The following ARHGAP18 variants were observed in gnomAD, a reference collection of about 807,000 sequenced individuals.
ARHGAP18 encodes Rho GTPase activating protein 18.
Under a neutral mutation model 86.2 loss-of-function variants are expected in ARHGAP18, and 67 were observed. That is an observed-to-expected ratio of 0.78 (90% CI 0.64 to 0.95). The LOEUF (loss-of-function observed/expected upper bound fraction) is 0.95, where lower values mean the gene tolerates loss of function less well. Ranked by LOEUF, ARHGAP18 falls within the 40% of genes least tolerant of loss-of-function variation. ARHGAP18 has a pLI of 0.00. For synonymous variants in ARHGAP18, 283 were observed against 280.4 expected (o/e 1.01, Z -0.09); for missense variants, 691 against 780.4 (o/e 0.89, Z 1.37).
rs144719019 is a variant in ARHGAP18 at position 129,663,627 on chromosome 6, T to C, written c.114-21609A>G. ...ACCAAGTATCCTCCATTAGGACAGA[T>C]TGTATCGTGACAGAGGAAACACATT... On this transcript the variant is annotated intron_variant, in intron 1 of 14. Transcript: ENST00000368149. 3.1e-3 allele frequency among the ~76,000 whole-genome samples: 478 copies of C among 152,310 alleles called. 2 individuals carry two copies. Among genetic ancestry groups the C allele is most frequent in the African/African-American group, 0.011 (446 of 41,566 alleles).
intron 1 of ARHGAP18, among the ~76,000 whole-genome samples, chr6:129,683,055 CT>C (rs199633610): frequency 0.49 from 67,437 of 138,994 alleles, 15,662 homozygotes; most frequent in South Asian, 0.58. Flanking sequence ...TTTGTTTTTT[CT>C]TTTTTTTTTT....
chr6:129,684,279 G>A (rs914300863), intron 1 of ARHGAP18, among the ~76,000 whole-genome samples: 2 of 152,234 alleles, frequency 1.3e-5, no homozygotes, highest in African/African-American at 2.4e-5. Context: ...AAAACGTTCT[G>A]TATTCAGTAC....
Position 129,698,656 on chromosome 6 carries a change from C to T in ARHGAP18, c.113+11368G>A, listed in dbSNP as rs558311522. Among the ~76,000 whole-genome samples, 7 of 151,228 alleles carry T rather than the reference C, an allele frequency of 4.6e-5. No individual in the cohort carries two copies. In the East Asian group the frequency reaches 1.4e-3, roughly 29 times the overall value. Reference sequence around the variant, plus strand: ...TTCAGGGTTCAAGCCATTCTCCTGCCTCAGCCTCCCGAGTAGCGTGTACCA... The same window carrying T: ...TTCAGGGTTCAAGCCATTCTCCTGCTTCAGCCTCCCGAGTAGCGTGTACCA... On this transcript the variant is annotated intron_variant, in intron 1 of 14. Transcript: ENST00000368149.
At chr6:129,592,310 A>C (rs886358475) in intron 12 of ARHGAP18, among the ~76,000 whole-genome samples, 2 of 152,216 alleles carry the variant, frequency 1.3e-5, no homozygotes, top group African/African-American at 4.8e-5. Context: ...TCAGAGATGC[A>C]ATTCTAAACA....
At chr6:129,592,182 T>C (rs1164523190) in intron 12 of ARHGAP18, among the ~76,000 whole-genome samples, 1 of 152,246 alleles carries the variant, frequency 6.6e-6, no homozygotes, top group Non-Finnish European at 1.5e-5. Context: ...TGCTTGATAT[T>C]GTAATCTGAT....
intron 7 of ARHGAP18, among the ~76,000 whole-genome samples, chr6:129,612,057 C>A (rs1788991308): frequency 6.6e-6 from 1 of 152,176 alleles, no homozygotes; most frequent in Admixed American, 6.5e-5. Context: ...AGACTGTTTG[C>A]AAATATTCAT....
intron 1 of ARHGAP18, among the ~76,000 whole-genome samples, chr6:129,655,596 T>C (rs1032840522): frequency 1.3e-5 from 2 of 152,140 alleles, no homozygotes; most frequent in East Asian, 3.9e-4. Context: ...AACTTTTTCT[T>C]GTTCTTTTTT....
chr6:129,613,004 C>T lies in ARHGAP18; in HGVS notation c.1045-1394G>A, dbSNP rs6900535. Among the ~76,000 whole-genome samples the T allele has an allele frequency of 5.0e-3, 765 of 152,082 alleles. 7 individuals are homozygous for T. The highest frequency in any genetic ancestry group is 0.017 in the African/African-American group (725 of 41,488). On this transcript the variant is annotated intron_variant, in intron 7 of 14. Transcript: ENST00000368149. ...ATCCCAGCACTTTGGGAGGGCGAGG[C>T]GGGCGGATCACAAGGTCAGGAGATC...
At chr6:129,614,674 T>C (rs1789055506) in intron 7 of ARHGAP18, among the ~76,000 whole-genome samples, 1 of 152,126 alleles carries the variant, frequency 6.6e-6, no homozygotes, top group Non-Finnish European at 1.5e-5. Context: ...GATGGTGAAT[T>C]TTGTGTGCCA....
intron 1 of ARHGAP18, among the ~76,000 whole-genome samples, chr6:129,697,023 G>A (rs941114998): frequency 1.3e-5 from 2 of 152,154 alleles, no homozygotes; most frequent in Non-Finnish European, 2.9e-5. Flanking sequence ...AAGTGACAAT[G>A]AGTAACTTCT....
At chr6:129,642,440 T>C (rs561974605) in intron 1 of ARHGAP18, among the ~76,000 whole-genome samples, 4 of 152,144 alleles carry the variant, frequency 2.6e-5, no homozygotes, top group Non-Finnish European at 5.9e-5. Flanking sequence ...ATATACCATA[T>C]TGCCCAGCTA....
At chr6:129,663,134 G>C (rs1773984520) in intron 1 of ARHGAP18, among the ~76,000 whole-genome samples, 1 of 152,174 alleles carries the variant, frequency 6.6e-6, no homozygotes, top group Non-Finnish European at 1.5e-5. Flanking sequence ...CCATGCTCAA[G>C]ACTCTGTATG....
chr6:129,584,662 T>C (rs1405192136), intron 12 of ARHGAP18, among the ~76,000 whole-genome samples: 4 of 152,224 alleles, frequency 2.6e-5, no homozygotes, highest in Non-Finnish European at 5.9e-5. Context: ...CTAAATCTTT[T>C]GCCCATGGAT....
At chr6:129,634,960 A>G (rs1278158359) in intron 3 of ARHGAP18, among the ~76,000 whole-genome samples, 1 of 152,156 alleles carries the variant, frequency 6.6e-6, no homozygotes, top group Non-Finnish European at 1.5e-5. Context: ...GACCTAAAAC[A>G]TCTGAAGGAA....
chr6:129,616,173 G>GCA, intron 7 of ARHGAP18, 39 bp downstream of exon 7: 1 of 1,463,114 alleles, frequency 6.8e-7, no homozygotes. Context: ...ATTAGCTTAA[G>GCA]TATGTTCTCT....
At chr6:129,636,031 C>T (rs769816029) in intron 3 of ARHGAP18, among the ~76,000 whole-genome samples, 3 of 152,226 alleles carry the variant, frequency 2.0e-5, no homozygotes, top group East Asian at 1.9e-4. Flanking sequence ...TCTATTCCCT[C>T]CCCCTTTTCA....
At chr6:129,618,635 C>T (rs889913523) in intron 6 of ARHGAP18, 52 bp downstream of exon 6, 162 of 1,511,510 alleles carry the variant, frequency 1.1e-4, no homozygotes, top group Non-Finnish European at 1.4e-4. Flanking sequence ...AAAGCCAAGT[C>T]CATCCTTGCT....
intron 5 of ARHGAP18, among the ~76,000 whole-genome samples, chr6:129,621,538 C>G (rs541588065): frequency 2.0e-5 from 3 of 152,292 alleles, no homozygotes; most frequent in South Asian, 2.1e-4. Flanking sequence ...CCATCACTTA[C>G]TATGTGACCT....
At chr6:129,670,347 G>C (rs1328778118) in intron 1 of ARHGAP18, among the ~76,000 whole-genome samples, 1 of 152,152 alleles carries the variant, frequency 6.6e-6, no homozygotes, top group Non-Finnish European at 1.5e-5. Context: ...ACAGTCACCT[G>C]GAGTTTTAGT....
Sources: allele counts gnomAD v4.1 joint callset (sites outside exome capture counted in the v4.1 genomes callset), GRCh38; gene constraint gnomAD v4.1.1; transcripts MANE v1.5; gene names NCBI Gene and HGNC (gene_info 2026-07-23, HGNC 2026-07-21).